Variants in GNA14 observed in about 807,000 individuals in gnomAD.
GNA14 encodes guanine nucleotide-binding protein subunit alpha-14.
Under a neutral mutation model 42.0 loss-of-function variants are expected in GNA14, and 50 were observed. The ratio of observed to expected loss-of-function variants is 1.19; its 90% CI spans 0.95 to 1.51. The LOEUF is 1.51. GNA14 is among the 40% of genes most tolerant of loss of function. GNA14 has a pLI of 0.00. For missense variants in GNA14, 473 were observed against 446.2 expected (o/e 1.06, Z -0.54); for synonymous variants, 173 against 163.1 (o/e 1.06, Z -0.46).
intron 2 of GNA14, among the ~76,000 whole-genome samples, chr9:77,486,773 T>C (rs1836667050): frequency 6.6e-6 from 1 of 152,176 alleles, no homozygotes; most frequent in African/African-American, 2.4e-5. Flanking sequence ...TCAGAACATA[T>C]ATACACAATG....
At chr9:77,604,646 T>G (rs1031929370) in intron 1 of GNA14, among the ~76,000 whole-genome samples, 1 of 152,196 alleles carries the variant, frequency 6.6e-6, no homozygotes. Flanking sequence ...CAGAATGACA[T>G]GGAAGCAAAA....
chr9:77,489,739 A>T (rs1298581591), intron 2 of GNA14, among the ~76,000 whole-genome samples: 1 of 150,604 alleles, frequency 6.6e-6, no homozygotes, highest in Non-Finnish European at 1.5e-5. Context: ...GGAGTTGTTC[A>T]TTTCTCCCGG....
intron 4 of GNA14, among the ~76,000 whole-genome samples, chr9:77,431,062 G>A (rs936874084): frequency 1.8e-4 from 27 of 151,174 alleles, no homozygotes; most frequent in African/African-American, 6.6e-4. Flanking sequence ...GTGTGTGTGT[G>A]TATGAGTGTG....
At chr9:77,463,734 T>C (rs1836159730) in intron 2 of GNA14, among the ~76,000 whole-genome samples, 1 of 151,920 alleles carries the variant, frequency 6.6e-6, no homozygotes, top group Non-Finnish European at 1.5e-5. Flanking sequence ...CCAGGTTCAA[T>C]AGGTCAATAC....
chr9:77,587,375 A>C (rs1452164732), intron 1 of GNA14, among the ~76,000 whole-genome samples: 1 of 152,242 alleles, frequency 6.6e-6, no homozygotes, highest in East Asian at 1.9e-4. Flanking sequence ...CACTATTCAC[A>C]ATAGCCAAAA....
chr9:77,452,035 C>T (rs902948987), intron 2 of GNA14, among the ~76,000 whole-genome samples: 1 of 152,190 alleles, frequency 6.6e-6, no homozygotes, highest in Non-Finnish European at 1.5e-5. Context: ...GCTGGTCTCA[C>T]ACCGCATCCC....
At chr9:77,467,810 C>T (rs1836263321) in intron 2 of GNA14, among the ~76,000 whole-genome samples, 1 of 151,954 alleles carries the variant, frequency 6.6e-6, no homozygotes, top group Admixed American at 6.6e-5. Flanking sequence ...TTATGCTCTA[C>T]AAGTGGGTAC....
intron 1 of GNA14, among the ~76,000 whole-genome samples, chr9:77,636,876 A>G (rs1048927458): frequency 1.3e-5 from 2 of 152,206 alleles, no homozygotes; most frequent in African/African-American, 4.8e-5. Context: ...TGTTCCATGG[A>G]GAGTGAATTT....
chr9:77,555,294 TC>T, intron 1 of GNA14, among the ~76,000 whole-genome samples: 1 of 152,124 alleles, frequency 6.6e-6, no homozygotes, highest in East Asian at 1.9e-4. Context: ...TCATTTGAGC[TC>T]AGGAGTTCAA....
intron 2 of GNA14, among the ~76,000 whole-genome samples, chr9:77,511,508 C>T (rs560624506): frequency 1.3e-5 from 2 of 152,294 alleles, no homozygotes; most frequent in South Asian, 2.1e-4. Context: ...AGACAATGTA[C>T]GCATCCCCCT....
At chr9:77,515,960 CAAAAAAAAA>C (rs1158448237) in intron 2 of GNA14, among the ~76,000 whole-genome samples, 99 of 52,740 alleles carry the variant, frequency 1.9e-3, no homozygotes, top group East Asian at 6.2e-3. Flanking sequence ...CCCTGTCTCA[CAAAAAAAAA>C]AAAAAAAAAA....
At chr9:77,593,486 T>A (rs150659149) in intron 1 of GNA14, among the ~76,000 whole-genome samples, 90 of 152,210 alleles carry the variant, frequency 5.9e-4, no homozygotes, top group African/African-American at 2.1e-3. Context: ...AATTTTATAT[T>A]TTTAGTAGAG....
chr9:77,591,097 T>A (rs1190207433), intron 1 of GNA14, among the ~76,000 whole-genome samples: 2 of 152,164 alleles, frequency 1.3e-5, no homozygotes, highest in African/African-American at 4.8e-5. Context: ...CCTCTTGCCC[T>A]CCAGGAAGGC....
intron 2 of GNA14, among the ~76,000 whole-genome samples, chr9:77,482,825 C>A (rs988948278): frequency 1.3e-5 from 2 of 152,112 alleles, no homozygotes; most frequent in African/African-American, 2.4e-5. Context: ...TCACTGATAC[C>A]CTTTTTTCCA....
intron 1 of GNA14, among the ~76,000 whole-genome samples, chr9:77,562,411 G>A (rs1051538132): frequency 2.0e-5 from 3 of 152,112 alleles, no homozygotes; most frequent in African/African-American, 7.2e-5. Context: ...GATCATGTAT[G>A]GGGCAGGAAA....
At chr9:77,446,113 G>A (rs188412465) in intron 2 of GNA14, among the ~76,000 whole-genome samples, 147 of 152,298 alleles carry the variant, frequency 9.7e-4, no homozygotes, top group African/African-American at 3.3e-3. Context: ...TGACCAGAGC[G>A]GCAGGGCTCA....
At chr9:77,618,611 TATA>T (rs1823867674) in intron 1 of GNA14, among the ~76,000 whole-genome samples, 13 of 15,162 alleles carry the variant, frequency 8.6e-4, no homozygotes, top group Non-Finnish European at 1.2e-3. Flanking sequence ...TATATATATA[TATA>T]TATATATTTT....
intron 1 of GNA14, among the ~76,000 whole-genome samples, chr9:77,586,571 A>C (rs989424836): frequency 6.6e-6 from 1 of 152,226 alleles, no homozygotes; most frequent in Non-Finnish European, 1.5e-5. Flanking sequence ...CAGAGGCTTA[A>C]TAGGCGAAAG....
intron 5 of GNA14, among the ~76,000 whole-genome samples, chr9:77,426,891 C>A (rs1289001945): frequency 2.6e-5 from 4 of 152,178 alleles, no homozygotes; most frequent in African/African-American, 9.7e-5. Flanking sequence ...TCAGCACACA[C>A]ACTCAAGAGG....
Sources: allele counts gnomAD v4.1 joint callset (sites outside exome capture counted in the v4.1 genomes callset), GRCh38; gene constraint gnomAD v4.1.1; transcripts MANE v1.5; gene names NCBI Gene and HGNC (gene_info 2026-07-23, HGNC 2026-07-21).